Variants in ZNF91 observed in about 807,000 individuals in gnomAD.
ZNF91 encodes the protein zinc finger protein 91 (HPF7, HTF10).
A neutral mutation model predicts 12.6 loss-of-function variants in ZNF91; 7 were observed. The ratio of observed to expected loss-of-function variants is 0.55; its 90% confidence interval spans 0.31 to 1.04. The LOEUF is 1.04. Ranked by LOEUF, ZNF91 falls within the 50% of genes least tolerant of loss-of-function variation. The probability of loss-of-function intolerance (pLI) is 0.05; values close to 1 mark genes in which losing one functional copy is unlikely to be tolerated. For synonymous variants in ZNF91, 453 were observed against 462.6 expected, an observed-to-expected ratio of 0.98 and a Z score of 0.27; for missense variants, 1,217 against 1,385.4, an observed-to-expected ratio of 0.88 and a Z score of 1.93.
chr19:23,370,893 AAAAAT>A (rs1301500792), intron 3 of ZNF91, among the ~76,000 whole-genome samples: 1 of 152,230 alleles, frequency 6.6e-6, no homozygotes, highest in Admixed American at 6.5e-5. Flanking sequence ...AAAAGACAGA[AAAAAT>A]AAAGAATTAT....
At chr19:23,364,255 C>T (rs1455283136) in intron 3 of ZNF91, among the ~76,000 whole-genome samples, 1 of 152,152 alleles carries the variant, frequency 6.6e-6, no homozygotes, top group Non-Finnish European at 1.5e-5. Context: ...TGAGATCAGC[C>T]TGACCAACAT....
chr19:23,324,188 C>G (rs1159071120), intron 1 of ZNF91: 1 of 151,300 alleles, frequency 6.6e-6, no homozygotes, highest in African/African-American at 2.4e-5. Flanking sequence ...CCTTTTTTCT[C>G]CCTACTTCCT....
intron 1 of ZNF91, among the ~76,000 whole-genome samples, chr19:23,383,763 C>A (rs1320791279): frequency 6.6e-6 from 1 of 151,920 alleles, no homozygotes; most frequent in South Asian, 2.1e-4. Context: ...CTTAACACTA[C>A]TATTCAACAT....
chr19:23,319,310 C>T (rs1967634759), intron 1 of ZNF91, among the ~76,000 whole-genome samples: 1 of 152,204 alleles, frequency 6.6e-6, no homozygotes, highest in South Asian at 2.1e-4. Flanking sequence ...TGTGGTGCAA[C>T]TCTTCTGCAT....
intron 1 of ZNF91, among the ~76,000 whole-genome samples, chr19:23,391,891 T>C (rs1970073980): frequency 1.3e-5 from 2 of 152,130 alleles, no homozygotes; most frequent in Admixed American, 1.3e-4. Flanking sequence ...GGTTTAAGCT[T>C]TAATTTCTAT....
chr19:23,378,098 C>A (rs972233468), intron 1 of ZNF91, among the ~76,000 whole-genome samples: 14 of 152,144 alleles, frequency 9.2e-5, no homozygotes, highest in African/African-American at 3.4e-4. Context: ...ACTACTGTAT[C>A]TGCAGGAACA....
At chr19:23,347,353 A>G (rs1326882411) in intron 3 of ZNF91, among the ~76,000 whole-genome samples, 2 of 152,174 alleles carry the variant, frequency 1.3e-5, no homozygotes, top group African/African-American at 4.8e-5. Context: ...AAGCTCCTTC[A>G]AGCTGCCAGA....
At chr19:23,382,057 A>C (rs1257317257) in intron 1 of ZNF91, among the ~76,000 whole-genome samples, 1 of 151,838 alleles carries the variant, frequency 6.6e-6, no homozygotes, top group Non-Finnish European at 1.5e-5. Flanking sequence ...GACAAAAAAA[A>C]AAAAAAAAAA....
At chr19:23,385,367 G>T in intron 1 of ZNF91, 2 of 346,080 alleles carry the variant, frequency 5.8e-6, no homozygotes, top group Non-Finnish European at 1.0e-5. Context: ...GAACAGAAGG[G>T]CTTCTGAAGC....
intron 3 of ZNF91, 37 bp downstream of exon 3, chr19:23,373,705 C>T (rs369964129): frequency 1.3e-6 from 2 of 1,546,188 alleles, no homozygotes; most frequent in East Asian, 4.6e-5. Context: ...CTTTGGGCCT[C>T]TCATCCTTGT....
intron 1 of ZNF91, among the ~76,000 whole-genome samples, chr19:23,392,509 T>C (rs1392034605): frequency 2.0e-5 from 3 of 151,468 alleles, no homozygotes; most frequent in African/African-American, 7.3e-5. Flanking sequence ...TACCAGGATA[T>C]AGAACCAGGC....
intron 3 of ZNF91, among the ~76,000 whole-genome samples, chr19:23,368,558 C>A (rs200171865): frequency 0.81 from 97,592 of 121,138 alleles, 39,295 homozygotes; most frequent in Middle Eastern, 0.85. Context: ...CTCTCTCTCT[C>A]TCTCTATATA....
At chr19:23,338,364 T>TA (rs1422411441), downstream of ZNF91, 1 of 151,706 alleles carries the variant, frequency 6.6e-6, no homozygotes, top group African/African-American at 2.4e-5. Context: ...ATGGCACTTT[T>TA]AGAGTGTTGA....
chr19:23,373,244 C>T (rs1319877053), intron 3 of ZNF91, among the ~76,000 whole-genome samples: 1 of 151,414 alleles, frequency 6.6e-6, no homozygotes, highest in Non-Finnish European at 1.5e-5. Flanking sequence ...TTTAACATAG[C>T]ACTCAAAGTA....
At chr19:23,341,087 G>C (rs536218514) in intron 3 of ZNF91, among the ~76,000 whole-genome samples, 10 of 141,888 alleles carry the variant, frequency 7.0e-5, no homozygotes, top group Non-Finnish European at 1.5e-4. Context: ...CGGAGTCTTA[G>C]TTGTCCAGGC....
chr19:23,318,067 C>T (rs190580928), intron 1 of ZNF91, among the ~76,000 whole-genome samples: 92 of 152,278 alleles, frequency 6.0e-4, no homozygotes, highest in Non-Finnish European at 1.1e-3. Flanking sequence ...TAGTCCACTG[C>T]CTTGGCACCG....
At chr19:23,330,172 T>C (rs1967904213) in intron 1 of ZNF91, among the ~76,000 whole-genome samples, 2 of 151,798 alleles carry the variant, frequency 1.3e-5, no homozygotes, top group South Asian at 2.1e-4. Context: ...CTCTACTAAA[T>C]ATATAAAAAT....
chr19:23,355,163 A>G (rs1341021295), downstream of ZNF91, among the ~76,000 whole-genome samples: 3 of 152,198 alleles, frequency 2.0e-5, no homozygotes, highest in African/African-American at 7.2e-5. Flanking sequence ...AGCAAGACTA[A>G]GCAAAAAGAA....
chr19:23,383,439 G>A (rs1401484593), intron 1 of ZNF91, among the ~76,000 whole-genome samples: 2 of 152,154 alleles, frequency 1.3e-5, no homozygotes. Flanking sequence ...TGTAATTTCA[G>A]CAATTTGGCA....
Sources: gnomAD v4.1 joint callset for allele counts (sites outside exome capture counted in the v4.1 genomes callset) on GRCh38, gnomAD v4.1.1 for gene constraint, MANE v1.5 for transcripts, NCBI Gene and HGNC (gene_info 2026-07-23, HGNC 2026-07-21) for gene names.